CDC73: variants seen among roughly 807,000 people sequenced by gnomAD.
The protein encoded by CDC73 is cell division cycle 73.
In CDC73, 21 loss-of-function variants were observed where a neutral mutation model predicts 83.7. The observed-to-expected ratio is 0.25, with a 90% CI of 0.18 to 0.36. The LOEUF is 0.36. Ranked by LOEUF, CDC73 falls within the 10% of genes least tolerant of loss-of-function variation. The pLI, the probability that CDC73 is intolerant of heterozygous loss-of-function variation, is 1.00. For missense variants in CDC73, 342 were observed against 653.3 expected (o/e 0.52, Z 5.19); for synonymous variants, 224 against 212.9 (o/e 1.05, Z -0.45).
rs1386823711 is a variant in CDC73 at position 193,250,583 on chromosome 1, G to A, written c.1560-93G>A. ...CAGCATTTTATTCTGTTGATTTTAA[G>A]TTTTAAGAAATGTCAACTTGTTTTT... On this transcript the variant is annotated intron_variant, in intron 16 of 16. Coordinates refer to ENST00000367435, the MANE Select transcript of CDC73 (RefSeq NM_024529.5). The A allele has an allele frequency of 6.9e-5, 62 of 898,378 alleles. 1 individual carries two copies. The Admixed American group carries it at 1.2e-3, about 18-fold the overall frequency. The allele number at this position is 898,378 out of a possible 1,614,324, so 55.7% of individuals were successfully genotyped here. A position where few individuals can be genotyped will look rare whatever the true frequency, so the allele number is the denominator to read the frequency against.
intron 10 of CDC73, among the ~76,000 whole-genome samples, chr1:193,159,989 T>G (rs949911900): frequency 6.6e-6 from 1 of 152,176 alleles, no homozygotes; most frequent in Non-Finnish European, 1.5e-5. Context: ...TTAATACATA[T>G]AAAGCGAATA....
chr1:193,180,638 G>A, intron 10 of CDC73: 1 of 1,614,090 alleles, frequency 6.2e-7, no homozygotes, highest in Non-Finnish European at 8.5e-7. Flanking sequence ...CAGAAGACAG[G>A]ATAACGCTCA....
chr1:193,194,740 G>T (rs1258660426), intron 10 of CDC73, among the ~76,000 whole-genome samples: 2 of 151,996 alleles, frequency 1.3e-5, no homozygotes, highest in African/African-American at 4.8e-5. Context: ...TAATCAGTAG[G>T]TACGTAAATG....
chr1:193,239,476 A>G (rs1171377298), intron 15 of CDC73, among the ~76,000 whole-genome samples: 2 of 152,178 alleles, frequency 1.3e-5, no homozygotes, highest in African/African-American at 2.4e-5. Context: ...AGAAGATTAA[A>G]TACTGATTTG....
rs763095800 is a variant in CDC73 at position 193,135,447 on chromosome 1, A to G, written c.364A>G (p.Thr122Ala). 2 of 1,613,274 alleles carry G rather than the reference A, an allele frequency of 1.2e-6. No homozygotes were observed. The highest frequency in any genetic ancestry group is 3.3e-5 in the Admixed American group (2 of 60,014). ...APLEIGLQRS[T>A]QVKRAADEVL... ...CTTAGAAATAGGTCTTCAGCGATCTACTCAAGGTATGTCTTGTTGCATATT... is the reference window on the plus strand; with the variant it reads ...CTTAGAAATAGGTCTTCAGCGATCTGCTCAAGGTATGTCTTGTTGCATATT... The change falls in exon 4 of 17, where the codon ACT becomes GCT. Residue 122 changes from threonine to alanine, a missense_variant. By Grantham distance (58) the Thr-to-Ala change is moderately conservative (BLOSUM62 0). Coordinates refer to ENST00000367435, the MANE Select transcript of CDC73 (RefSeq NM_024529.5).
At chr1:193,153,037 G>A (rs1162967247) in intron 10 of CDC73, among the ~76,000 whole-genome samples, 1 of 151,998 alleles carries the variant, frequency 6.6e-6, no homozygotes, top group Non-Finnish European at 1.5e-5. Context: ...TGAAGTGCTG[G>A]GATTACAAGT....
chr1:193,202,498 A>T (rs956944640), intron 10 of CDC73, among the ~76,000 whole-genome samples: 1 of 152,032 alleles, frequency 6.6e-6, no homozygotes, highest in Non-Finnish European at 1.5e-5. Flanking sequence ...CAAACAATAC[A>T]TCTATGAAAC....
At chr1:193,248,856 A>G (rs1677996518) in intron 15 of CDC73, among the ~76,000 whole-genome samples, 1 of 152,070 alleles carries the variant, frequency 6.6e-6, no homozygotes, top group Non-Finnish European at 1.5e-5. Flanking sequence ...CAGATGAGCA[A>G]AGAAAGTGGT....
chr1:193,244,268 G>T (rs1441927510), intron 15 of CDC73, among the ~76,000 whole-genome samples: 1 of 152,174 alleles, frequency 6.6e-6, no homozygotes, highest in Non-Finnish European at 1.5e-5. Flanking sequence ...TATATCACCT[G>T]CCGAACAATC....
intron 2 of CDC73, chr1:193,128,069 G>A (rs556300363): frequency 8.5e-5 from 13 of 152,258 alleles, no homozygotes; most frequent in African/African-American, 2.2e-4. Context: ...GATTACAGGC[G>A]TGAGCCACTG....
chr1:193,146,899 C>T (rs539909860), intron 7 of CDC73, among the ~76,000 whole-genome samples: 19 of 152,252 alleles, frequency 1.2e-4, no homozygotes, highest in Middle Eastern at 6.8e-3. Context: ...ATGTAGCAAT[C>T]TGAAATTAGC....
chr1:193,237,751 ATCC>A (rs1677788298), intron 15 of CDC73, among the ~76,000 whole-genome samples: 1 of 152,158 alleles, frequency 6.6e-6, no homozygotes, highest in Non-Finnish European at 1.5e-5. Context: ...TCTTTACGGC[ATCC>A]TCCTCGACGT....
rs1185285001 is a variant in CDC73 at position 193,254,036 on chromosome 1, AAATT to A, written c.*3328_*3331del. ...CAACAATTATTTATAAAAGCTAGTC[AAATT>A]AATGGCTTAGAAAGTAGCTGTAAAC... On this transcript the variant is annotated 3_prime_UTR_variant, in exon 17 of 17. Transcript: ENST00000367435. The A allele has an allele frequency of 4.5e-6, 1 of 223,566 alleles. No homozygotes were observed. The highest frequency in any genetic ancestry group is 8.9e-6 in the Non-Finnish European group (1 of 112,254). 13.8% of individuals were successfully genotyped at this position (223,566 alleles called of 1,614,324 possible).
chr1:193,210,950 T>A (rs1300655650), intron 11 of CDC73, among the ~76,000 whole-genome samples: 1 of 152,252 alleles, frequency 6.6e-6, no homozygotes, highest in Non-Finnish European at 1.5e-5. Context: ...TCTTCCAAAA[T>A]GGTTAAGCGT....
chr1:193,161,501 A>G (rs762298368), intron 10 of CDC73, among the ~76,000 whole-genome samples: 5 of 144,222 alleles, frequency 3.5e-5, no homozygotes, highest in African/African-American at 2.6e-5. Flanking sequence ...TTGAAACTAT[A>G]TAAGATCAAA....
chr1:193,127,818 C>T (rs1558279053), intron 2 of CDC73: 1 of 85,464 alleles, frequency 1.2e-5, no homozygotes. Flanking sequence ...GCAGACCACT[C>T]ATTTTTTTTT....
At chr1:193,186,315 C>T (rs1676805804) in intron 10 of CDC73, 1 of 152,332 alleles carries the variant, frequency 6.6e-6, no homozygotes, top group Non-Finnish European at 1.5e-5. Context: ...TTGACTCTTC[C>T]CGACAGTTGA....
chr1:193,157,536 TG>T (rs1183684930), intron 10 of CDC73, among the ~76,000 whole-genome samples: 1 of 152,236 alleles, frequency 6.6e-6, no homozygotes, highest in East Asian at 1.9e-4. Context: ...CTATCTGGCA[TG>T]ACTGCGTACT....
At position 193,209,329 on chromosome 1, in the gene CDC73, G is replaced by GT. The variant is rs1479611558; in HGVS notation, c.1031-2735dup. 5.9e-5 allele frequency among the ~76,000 whole-genome samples: 9 copies of GT among 152,296 alleles called. No homozygotes were observed. The East Asian group carries it at 1.7e-3, about 29-fold the overall frequency. On this transcript the variant is annotated intron_variant, in intron 11 of 16. Transcript: ENST00000367435. ...CTGTAGTTGCAGGATTCAGTAAATG[G>GT]TAAGTATGTGCTAACACCTAATTAA...
Sources: allele counts gnomAD v4.1 joint callset (sites outside exome capture counted in the v4.1 genomes callset), GRCh38; gene constraint gnomAD v4.1.1; transcripts MANE v1.5; gene names NCBI Gene and HGNC (gene_info 2026-07-23, HGNC 2026-07-21).